AHNAK: variants seen among roughly 807,000 people sequenced by gnomAD.
The protein encoded by AHNAK is neuroblast differentiation-associated protein AHNAK.
AHNAK carries 23 observed loss-of-function variants against 37.8 expected under a neutral mutation model. The observed-to-expected ratio is 0.61, with a 90% confidence interval of 0.44 to 0.86. The LOEUF is 0.86. Among genes scored for constraint, AHNAK ranks in the 40% least tolerant of loss-of-function variants. AHNAK has a pLI of 0.00. For synonymous variants in AHNAK, 2,481 were observed against 2,636.3 expected, an observed-to-expected ratio of 0.94 and a Z score of 1.80; for missense variants, 7,411 against 7,319.4, an observed-to-expected ratio of 1.01 and a Z score of -0.46.
chr11:62,525,001 A>C lies in AHNAK; in HGVS notation c.9416T>G (p.Val3139Gly), dbSNP rs746452879. Residue 3139 changes from valine to glycine, a missense_variant, in exon 5 of 5, where the codon GTG (valine) becomes GGG (glycine). By Grantham distance (109) the Val-to-Gly change is moderately radical. Coordinates refer to ENST00000378024, the MANE Select transcript of AHNAK (RefSeq NM_001620.3). The stretch of plus-strand genomic sequence containing the variant: ...GTGCCAGTCTGGGCCTTGAACATCC[A>C]CATCTGGGGCATTAATATCCACTTT... ...GPKVDINAPD[V>G]DVQGPDWHLK... 4 of 1,613,250 alleles carry C rather than the reference A, an allele frequency of 2.5e-6. No individual in the cohort carries two copies. The African/African-American group carries it at 5.4e-5, about 22-fold the overall frequency.
chr11:62,493,218 T>C (rs1410848506), intron 4 of AHNAK, among the ~76,000 whole-genome samples: 4 of 151,670 alleles, frequency 2.6e-5, no homozygotes, highest in Admixed American at 2.0e-4. Flanking sequence ...TTCACCATGT[T>C]GGCCAGGCTG....
At chr11:62,449,643 C>T (rs1938491481) in intron 5 of AHNAK, among the ~76,000 whole-genome samples, 1 of 152,186 alleles carries the variant, frequency 6.6e-6, no homozygotes, top group Admixed American at 6.5e-5. Flanking sequence ...AGTTTCAAAG[C>T]TAAAGCTACC....
chr11:62,530,557 C>T lies in AHNAK; in HGVS notation c.3860G>A (p.Gly1287Glu). ...NLPKADIDVS[G>E]PKVDVEVPDV... is the part of the protein sequence containing the mutation. ...TGGGACTTCAACATCCACCTTGGGT[C>T]CTGAGACATCAATGTCAGCCTTGGG... The change falls in exon 5 of 5, where the codon GGA becomes GAA. Residue 1287 changes from glycine (G) to glutamate (E), a missense_variant. Physicochemically the swap from Gly to Glu is moderately conservative, Grantham distance 98. Coordinates refer to ENST00000378024, the MANE Select transcript of AHNAK (RefSeq NM_001620.3). The T allele has an allele frequency of 6.2e-7, 1 of 1,612,300 alleles. No individual in the cohort carries two copies. Among genetic ancestry groups the T allele is most frequent in the Non-Finnish European group, 8.5e-7 (1 of 1,179,656 alleles).
chr11:62,513,482 C>T, downstream of AHNAK, among the ~76,000 whole-genome samples: 1 of 152,084 alleles, frequency 6.6e-6, no homozygotes, highest in East Asian at 1.9e-4. Context: ...TTGCAGTGAG[C>T]CAAATTCACA....
rs139354282 is a variant in AHNAK, at chr11:62,480,827, A to AAAAAAAG, written c.442+10904_442+10905insCTTTTTT. Among the ~76,000 whole-genome samples the AAAAAAAG allele has an allele frequency of 4.1e-5, 5 of 120,882 alleles. 1 individual carries two copies. Among genetic ancestry groups the AAAAAAAG allele is most frequent in the Admixed American group, 9.6e-5 (1 of 10,414 alleles). The allele number at this position is 120,882 out of a possible 152,430, so 79.3% of individuals were successfully genotyped here. A position where few individuals can be genotyped will look rare whatever the true frequency, so the allele number is the denominator to read the frequency against. ...TTAAAAAAAAAAAAAAAAAAAAAAA[A>AAAAAAAG]CCTGGATTTGCTGCCTTCTGGTCTG... On this transcript the variant is annotated intron_variant, in intron 5 of 5. Transcript: ENST00000257247.
rs976959382 is a variant in AHNAK, at chr11:62,536,076, C to T, written c.23G>A (p.Arg8Gln). 20 of 1,591,734 alleles carry T rather than the reference C, an allele frequency of 1.3e-5. No individual in the cohort carries two copies. The highest frequency in any genetic ancestry group is 2.3e-5 in the East Asian group (1 of 44,202). ...CTGCCAGTTGGGCAGCAGCAGCTCCCGGGTTGTCTCCTCCTTCTCCATCTG... is the reference window on the plus strand; with the variant it reads ...CTGCCAGTTGGGCAGCAGCAGCTCCTGGGTTGTCTCCTCCTTCTCCATCTG... Reference protein sequence around the residue: MEKEETTRELLLPNWQGS... With the variant: MEKEETTQELLLPNWQGS... The change falls in exon 3 of 5, where the codon CGG becomes CAG. Residue 8 changes from arginine (R) to glutamine (Q), a missense_variant. Arg to Gln is a conservative substitution (Grantham distance 43). Transcript: ENST00000378024.
chr11:62,512,708 T>C (rs1185903243), downstream of AHNAK, among the ~76,000 whole-genome samples: 22 of 152,066 alleles, frequency 1.4e-4, no homozygotes, highest in Admixed American at 1.2e-3. This position sits in a 1 kb window ranked among gnomAD's most constrained non-coding sequence, Gnocchi z 4.0. Context: ...AGTTTGAGAC[T>C]AGCCTGGGCA....
At chr11:62,535,872 C>T in intron 3 of AHNAK, 73 bp downstream of exon 3, 4 of 1,539,358 alleles carry the variant, frequency 2.6e-6, no homozygotes, top group Non-Finnish European at 2.6e-6. Flanking sequence ...CTGCCTGCTC[C>T]CTGCCCTTCC....
chr11:62,504,319 C>T (rs1330324982), intron 4 of AHNAK, among the ~76,000 whole-genome samples: 1 of 150,890 alleles, frequency 6.6e-6, no homozygotes, highest in Admixed American at 6.6e-5. Flanking sequence ...CCCTGCCAGG[C>T]CCCCCAGCAA....
chr11:62,521,981 C>A lies in AHNAK; in HGVS notation c.12436G>T (p.Asp4146Tyr). ...LNLKGPKMKGDVDVSLPKVEG... is the reference protein window; with the variant it reads ...LNLKGPKMKGYVDVSLPKVEG... ...ACTTTGGGCAGAGAAACGTCCACGT[C>A]GCCCTTCATCTTTGGACCTTTCAGA... Residue 4146 changes from aspartate to tyrosine, a missense_variant, in exon 5 of 5, where the codon GAC becomes TAC. Coordinates refer to ENST00000378024, the MANE Select transcript of AHNAK (RefSeq NM_001620.3). 2.5e-6 allele frequency: 4 copies of A among 1,613,566 alleles called. No homozygotes were observed. Among genetic ancestry groups the A allele is most frequent in the Non-Finnish European group, 3.4e-6 (4 of 1,179,920 alleles).
At position 62,529,238 on chromosome 11, in the gene AHNAK, C is replaced by A; in HGVS notation, c.5179G>T (p.Ala1727Ser). The A allele has an allele frequency of 6.2e-7, 1 of 1,614,230 alleles. No individual in the cohort carries two copies. Among genetic ancestry groups the A allele is most frequent in the South Asian group, 1.1e-5 (1 of 91,084 alleles). Residue 1727 changes from alanine (A) to serine (S), a missense_variant, in exon 5 of 5, where the codon GCA (alanine) becomes TCA (serine). Coordinates refer to ENST00000378024, the MANE Select transcript of AHNAK (RefSeq NM_001620.3). ...TTCACATCCACTTCAGGGCCCTCTGCTTTGAAGCCAGGCATACTGAACTTG... is the reference window on the plus strand; with the variant it reads ...TTCACATCCACTTCAGGGCCCTCTGATTTGAAGCCAGGCATACTGAACTTG... ...MPKFSMPGFK[A>S]EGPEVDVNLP...
chr11:62,532,236 T>A lies in AHNAK; in HGVS notation c.2181A>T (p.Lys727Asn). ...GGGCATCAATGTCCACTTTTGGGCCTTTGAGTTCTCCTTCCAGCTTTGGTA... is the reference window on the plus strand; with the variant it reads ...GGGCATCAATGTCCACTTTTGGGCCATTGAGTTCTCCTTCCAGCTTTGGTA... ...VTVPKLEGEL[K>N]GPKVDIDAPD... Residue 727 changes from lysine (K) to asparagine (N), a missense_variant, in exon 5 of 5, where the codon AAA becomes AAT. Physicochemically the swap from Lys to Asn is moderately conservative, Grantham distance 94. Coordinates refer to ENST00000378024, the MANE Select transcript of AHNAK (RefSeq NM_001620.3). 1 of 1,614,056 alleles carries A rather than the reference T, an allele frequency of 6.2e-7. No individual in the cohort carries two copies. The highest frequency in any genetic ancestry group is 8.5e-7 in the Non-Finnish European group (1 of 1,180,012).
At chr11:62,539,762 G>A (rs970122338) in intron 1 of AHNAK, among the ~76,000 whole-genome samples, 5 of 152,226 alleles carry the variant, frequency 3.3e-5, no homozygotes, top group African/African-American at 1.2e-4. Flanking sequence ...GTTGGCCCTG[G>A]CAGGGCACCC....
At position 62,531,824 on chromosome 11, in the gene AHNAK, C is replaced by T; in HGVS notation, c.2593G>A (p.Asp865Asn). 3 of 1,613,726 alleles carry T rather than the reference C, an allele frequency of 1.9e-6. No homozygotes were observed. Among genetic ancestry groups the T allele is most frequent in the Non-Finnish European group, 2.5e-6 (3 of 1,179,988 alleles). Residue 865 changes from aspartate to asparagine, a missense_variant, in exon 5 of 5, where the codon GAT becomes AAT. Physicochemically the swap from Asp to Asn is conservative, Grantham distance 23. Coordinates refer to ENST00000378024, the MANE Select transcript of AHNAK (RefSeq NM_001620.3). The stretch of plus-strand genomic sequence containing the variant: ...CAGTCTGGGCCTTGAACCTCCACAT[C>T]TGGGACATCAATGTCCATTTTGGCA... ...KSAKMDIDVPDVEVQGPDWHL... is the reference protein window; with the variant it reads ...KSAKMDIDVPNVEVQGPDWHL...
At chr11:62,469,446 A>C (rs1325288681) in intron 5 of AHNAK, among the ~76,000 whole-genome samples, 5 of 149,572 alleles carry the variant, frequency 3.3e-5, no homozygotes, top group African/African-American at 1.2e-4. Flanking sequence ...TAACTAACTA[A>C]ACATGTTGTA....
In AHNAK at chr11:62,531,678, C is replaced by T. The variant is rs1381453305; in HGVS notation, c.2739G>A (p.Val913=). The T allele has an allele frequency of 1.2e-6, 2 of 1,613,886 alleles. No individual in the cohort carries two copies. Among genetic ancestry groups the T allele is most frequent in the African/African-American group, 2.7e-5 (2 of 74,860 alleles). ...KADVDISGPK[V]GVEVPDVNIE... ...TATTCACATCTGGAACTTCAACACC[C>T]ACCTTGGGTCCTGAGATGTCCACAT... Residue 913 remains valine, a synonymous_variant, in exon 5 of 5, where the codon GTG becomes GTA. Transcript: ENST00000378024.
chr11:62,511,314 A>G (rs1417817288), downstream of AHNAK, among the ~76,000 whole-genome samples: 1 of 151,678 alleles, frequency 6.6e-6, no homozygotes, highest in Non-Finnish European at 1.5e-5. Context: ...CTGCAGTAGC[A>G]TGATCTCAGC....
intron 5 of AHNAK, among the ~76,000 whole-genome samples, chr11:62,463,050 G>A (rs1217664376): frequency 6.7e-6 from 1 of 148,674 alleles, no homozygotes; most frequent in Non-Finnish European, 1.5e-5. Flanking sequence ...CTTGAACCCA[G>A]GAAGCAGAGG....
chr11:62,461,251 T>C (rs1455685841), intron 5 of AHNAK, among the ~76,000 whole-genome samples: 1 of 149,374 alleles, frequency 6.7e-6, no homozygotes, highest in Non-Finnish European at 1.5e-5. Context: ...GTTCAAGTGA[T>C]TCTCCTGCCC....
Sources: allele counts gnomAD v4.1 joint callset (sites outside exome capture counted in the v4.1 genomes callset), GRCh38; gene constraint gnomAD v4.1.1; non-coding constraint Gnocchi (gnomAD v3.1); transcripts MANE v1.5; gene names NCBI Gene and HGNC (gene_info 2026-07-23, HGNC 2026-07-21).